ADAM22: variants seen among roughly 807,000 people sequenced by gnomAD.
The protein encoded by ADAM22 is disintegrin and metalloproteinase domain-containing protein 22.
ADAM22 carries 65 observed loss-of-function variants against 144.6 expected under a neutral mutation model. That is an observed-to-expected ratio of 0.45 (90% CI 0.37 to 0.55). The LOEUF (loss-of-function observed/expected upper bound fraction) is 0.55, where lower values mean the gene tolerates loss of function less well. ADAM22 is among the 20% of genes least tolerant of loss of function. The pLI is 0.00. For synonymous variants in ADAM22, 391 were observed against 412.6 expected (o/e 0.95, Z 0.63); for missense variants, 974 against 1,184.9 (o/e 0.82, Z 2.61).
chr7:88,011,742 C>T (rs930021873), intron 3 of ADAM22, among the ~76,000 whole-genome samples: 1 of 151,124 alleles, frequency 6.6e-6, no homozygotes, highest in African/African-American at 2.4e-5. Context: ...CCGCCCCCCA[C>T]CCCCCAACCT....
rs200336395 is a variant in ADAM22, at chr7:88,069,995, A to AT, written c.324-5621dup. Among the ~76,000 whole-genome samples the AT allele has an allele frequency of 4.6e-3, 689 of 149,842 alleles. 3 individuals carry two copies. The highest frequency in any genetic ancestry group is 0.013 in the African/African-American group (529 of 40,882). On this transcript the variant is annotated intron_variant, in intron 3 of 31. Coordinates refer to ENST00000413139, the MANE Select transcript of ADAM22 (RefSeq NM_001324418.2). Reference sequence around the variant, plus strand: ...GGGTTCATCCTCTGAGTCAACATTTATTTTTTTTTTAAAAGAAATGTGCCG... The same window carrying AT: ...GGGTTCATCCTCTGAGTCAACATTTATTTTTTTTTTTAAAAGAAATGTGCCG...
At chr7:88,132,110 C>T (rs1005304316) in intron 11 of ADAM22, 3 of 151,656 alleles carry the variant, frequency 2.0e-5, no homozygotes. Flanking sequence ...ATTCTCCCTC[C>T]CTTCCTTCCA....
intron 3 of ADAM22, among the ~76,000 whole-genome samples, chr7:87,978,866 T>C (rs1852553578): frequency 1.3e-5 from 2 of 152,188 alleles, no homozygotes; most frequent in African/African-American, 4.8e-5. Context: ...TGGTGGTGGA[T>C]TTCTGTGAGG....
At chr7:88,136,106 C>T (rs919108212) in intron 14 of ADAM22, 75 bp downstream of exon 14, 34 of 1,344,836 alleles carry the variant, frequency 2.5e-5, no homozygotes, top group South Asian at 9.7e-5. Flanking sequence ...GAATATGACA[C>T]TCAATAACTT....
chr7:88,094,022 A>G (rs1004379828), intron 4 of ADAM22, among the ~76,000 whole-genome samples: 11 of 152,256 alleles, frequency 7.2e-5, no homozygotes, highest in South Asian at 2.1e-4. Flanking sequence ...CAGATACTCA[A>G]TGTGTGTTCT....
chr7:88,142,187 A>G (rs1157353280), intron 14 of ADAM22, among the ~76,000 whole-genome samples: 1 of 152,202 alleles, frequency 6.6e-6, no homozygotes, highest in African/African-American at 2.4e-5. Flanking sequence ...ACATCCTCCT[A>G]CATAACCACT....
intron 4 of ADAM22, among the ~76,000 whole-genome samples, chr7:88,106,240 G>A (rs748807482): frequency 1.3e-5 from 2 of 152,014 alleles, no homozygotes; most frequent in Admixed American, 1.3e-4. Context: ...AAATGCAACC[G>A]CAACCCTCAG....
chr7:88,040,619 A>C (rs1218275609), intron 3 of ADAM22, among the ~76,000 whole-genome samples: 1 of 151,790 alleles, frequency 6.6e-6, no homozygotes, highest in Non-Finnish European at 1.5e-5. Context: ...TTGTTTTTCT[A>C]TTGCTGTGTA....
chr7:88,122,823 G>A (rs1051363101), intron 7 of ADAM22, among the ~76,000 whole-genome samples: 1 of 152,154 alleles, frequency 6.6e-6, no homozygotes, highest in Non-Finnish European at 1.5e-5. Context: ...TCTTGACTGG[G>A]TTTCAAGGCC....
At chr7:88,186,837 G>A in intron 30 of ADAM22, 136 bp downstream of exon 30, 1 of 603,090 alleles carries the variant, frequency 1.7e-6, no homozygotes. Context: ...TTTATTTGCT[G>A]CCTTTTGACT....
chr7:88,004,166 G>A lies in ADAM22; in HGVS notation c.323+25754G>A, dbSNP rs186243715. On this transcript the variant is annotated intron_variant, in intron 3 of 31. Transcript: ENST00000413139. ...CTAAGAGGCTTCTTCAGGCAGTGGA[G>A]ACCTGTAACCATTTTCCTGTAATTT... Among the ~76,000 whole-genome samples, 29 of 152,294 alleles carry A rather than the reference G, an allele frequency of 1.9e-4. 1 individual carries two copies. Among genetic ancestry groups the A allele is most frequent in the Admixed American group, 1.0e-3 (16 of 15,294 alleles).
chr7:87,997,013 C>G (rs1791394316), intron 3 of ADAM22, among the ~76,000 whole-genome samples: 1 of 152,148 alleles, frequency 6.6e-6, no homozygotes. Context: ...GATGCCCTTT[C>G]CTTTAAAGGG....
chr7:88,045,636 C>A (rs1322351681), intron 3 of ADAM22, among the ~76,000 whole-genome samples: 5 of 152,048 alleles, frequency 3.3e-5, no homozygotes, highest in Non-Finnish European at 7.4e-5. Context: ...ACTTATTGCC[C>A]CAGTATAATT....
At chr7:88,043,511 A>C (rs1035462053) in intron 3 of ADAM22, among the ~76,000 whole-genome samples, 1 of 151,176 alleles carries the variant, frequency 6.6e-6, no homozygotes, top group Non-Finnish European at 1.5e-5. Flanking sequence ...AGAATATTCT[A>C]CTTTTCAGGG....
In ADAM22 at chr7:88,166,904, A is replaced by G. The variant is rs548604950; in HGVS notation, c.2191+958A>G. Among the ~76,000 whole-genome samples, 204 of 152,276 alleles carry G rather than the reference A, an allele frequency of 1.3e-3. 2 individuals carry two copies. Among genetic ancestry groups the G allele is most frequent in the African/African-American group, 4.7e-3 (195 of 41,578 alleles). On this transcript the variant is annotated intron_variant, in intron 24 of 31. Coordinates refer to ENST00000413139, the MANE Select transcript of ADAM22 (RefSeq NM_001324418.2). The stretch of plus-strand genomic sequence containing the variant: ...TATTGATCCCTGTTAAGTCCCTGGA[A>G]AAAAAGGAAGGGGGGGCAGACATGC...
chr7:88,063,802 G>A (rs1810504282), intron 3 of ADAM22, among the ~76,000 whole-genome samples: 1 of 152,174 alleles, frequency 6.6e-6, no homozygotes, highest in African/African-American at 2.4e-5. Context: ...GGAGACAATG[G>A]AGCAATGCTG....
chr7:87,966,975 A>G (rs1262367612), intron 2 of ADAM22, among the ~76,000 whole-genome samples: 1 of 151,740 alleles, frequency 6.6e-6, no homozygotes, highest in African/African-American at 2.4e-5. Context: ...AATGATGGGG[A>G]TGGTTACCTC....
intron 2 of ADAM22, among the ~76,000 whole-genome samples, chr7:87,969,160 C>T (rs1193311735): frequency 6.6e-6 from 1 of 152,198 alleles, no homozygotes; most frequent in Non-Finnish European, 1.5e-5. Flanking sequence ...TAATGTGGAA[C>T]CAGGATTGAG....
intron 5 of ADAM22, 135 bp from the exon 6 acceptor site, chr7:88,114,449 C>T (rs1208390480): frequency 1.4e-6 from 1 of 720,050 alleles, no homozygotes; most frequent in East Asian, 2.6e-5. Flanking sequence ...TGTGGTGTGT[C>T]TGGAGGTGAT....
Sources: allele counts gnomAD v4.1 joint callset (sites outside exome capture counted in the v4.1 genomes callset), GRCh38; gene constraint gnomAD v4.1.1; transcripts MANE v1.5; gene names NCBI Gene and HGNC (gene_info 2026-07-23, HGNC 2026-07-21).